The following ZBED6 variants were observed in gnomAD, a reference collection of about 807,000 sequenced individuals.
ZBED6 encodes zinc finger BED-type containing 6.
A neutral mutation model predicts 58.4 loss-of-function variants in ZBED6; 40 were observed. The ratio of observed to expected loss-of-function variants is 0.68; its 90% CI spans 0.53 to 0.89. The LOEUF is 0.89. ZBED6 is among the 40% of genes least tolerant of loss of function. The pLI is 0.00. For missense variants in ZBED6, 1,057 were observed against 1,003.9 expected (o/e 1.05, Z -0.71); for synonymous variants, 439 against 350.6 (o/e 1.25, Z -2.82).
intron 9 of ZBED6, among the ~76,000 whole-genome samples, chr1:203,836,834 G>C (rs557337109): frequency 1.3e-5 from 2 of 152,134 alleles, no homozygotes; most frequent in Non-Finnish European, 2.9e-5. Flanking sequence ...CTAACTAGTT[G>C]ATGACTTGGG....
chr1:203,825,071 C>T (rs1230783848), intron 3 of ZBED6, among the ~76,000 whole-genome samples: 8 of 90,146 alleles, frequency 8.9e-5, no homozygotes, highest in Middle Eastern at 8.1e-3. Context: ...AGCGAGACTC[C>T]GTCTCAAAAA....
intron 1 of ZBED6, among the ~76,000 whole-genome samples, chr1:203,815,947 T>G (rs1006894327): frequency 1.3e-5 from 2 of 152,218 alleles, no homozygotes; most frequent in Non-Finnish European, 2.9e-5. Flanking sequence ...GAGAAAATAT[T>G]TGTTGTTTTG....
At chr1:203,847,471 G>A (rs1688201904) in exon 12 of ZBED6, 1 of 1,613,820 alleles carries the variant, frequency 6.2e-7, no homozygotes, top group Admixed American at 1.7e-5. Context: ...TAAAAAAACA[G>A]TAGTTTTGCC....
exon 1 of ZBED6, chr1:203,798,950 A>T: frequency 6.5e-7 from 1 of 1,536,122 alleles, no homozygotes; most frequent in Non-Finnish European, 8.7e-7. Flanking sequence ...AGAATGTTCA[A>T]AGCCAAAAGA....
chr1:203,834,087 C>G (rs1683401126), intron 9 of ZBED6: 1 of 1,187,814 alleles, frequency 8.4e-7, no homozygotes, highest in Non-Finnish European at 1.0e-6. Flanking sequence ...TTGGAAGGAA[C>G]TAGATTTTAA....
intron 1 of ZBED6, among the ~76,000 whole-genome samples, chr1:203,809,682 G>A (rs1030833464): frequency 5.9e-5 from 9 of 152,178 alleles, no homozygotes; most frequent in Non-Finnish European, 1.2e-4. Context: ...AACCGGGTGC[G>A]GTGGCTCACG....
At chr1:203,813,436 A>G (rs1198698168) in intron 1 of ZBED6, among the ~76,000 whole-genome samples, 1 of 152,086 alleles carries the variant, frequency 6.6e-6, no homozygotes, top group East Asian at 1.9e-4. Flanking sequence ...GTTGTTATCC[A>G]TGTTATTTTT....
At chr1:203,833,619 T>TTTTTTTTG (rs1683208929) in intron 8 of ZBED6, among the ~76,000 whole-genome samples, 172 bp from the exon 9 acceptor site, 1 of 7,316 alleles carries the variant, frequency 1.4e-4, no homozygotes, top group African/African-American at 2.7e-4. Flanking sequence ...TAGGTTTGGG[T>TTTTTTTTG]TTTTTTTTTT....
In ZBED6 at chr1:203,805,143, A is replaced by AT. The variant is rs148879848; in HGVS notation, c.*2554+2144dup. Reference sequence around the variant, plus strand: ...AATACCCACTTCTGATACAGTAGTGATTTTTTTTTTTTTTTTTGAGACAGA... The same window carrying AT: ...AATACCCACTTCTGATACAGTAGTGATTTTTTTTTTTTTTTTTTGAGACAGA... On this transcript the variant is annotated intron_variant, in intron 1 of 16. Coordinates refer to ENST00000550078, the Ensembl canonical transcript of ZBED6. 3.9e-3 allele frequency among the ~76,000 whole-genome samples: 508 copies of AT among 131,440 alleles called. 7 individuals carry two copies. Among genetic ancestry groups the AT allele is most frequent in the African/African-American group, 0.013 (450 of 35,266 alleles). 86.2% of individuals were successfully genotyped at this position (131,440 alleles called of 152,430 possible).
chr1:203,851,237 C>G, intron 16 of ZBED6, 113 bp downstream of exon 16: 7 of 944,416 alleles, frequency 7.4e-6, no homozygotes, highest in Non-Finnish European at 9.4e-6. Context: ...ATCTGTTGCA[C>G]TTCAAATTAA....
At chr1:203,798,228 G>A (rs1266618983) in exon 1 of ZBED6, 2 of 1,536,102 alleles carry the variant, frequency 1.3e-6, no homozygotes. Context: ...TGATAAATCA[G>A]CATCTGATGC....
exon 17 of ZBED6, chr1:203,852,835 A>C (rs1349324883): frequency 1.7e-5 from 3 of 177,104 alleles, no homozygotes; most frequent in African/African-American, 7.2e-5. Context: ...ATTAAGGACC[A>C]AATTTTATGC....
chr1:203,844,792 T>A (rs1687437559), intron 11 of ZBED6, among the ~76,000 whole-genome samples: 1 of 152,120 alleles, frequency 6.6e-6, no homozygotes, highest in Non-Finnish European at 1.5e-5. Flanking sequence ...TGGAAACAAC[T>A]TCTTTCCTTT....
intron 3 of ZBED6, among the ~76,000 whole-genome samples, chr1:203,822,976 G>T (rs1468184649): frequency 6.6e-6 from 1 of 152,120 alleles, no homozygotes; most frequent in Non-Finnish European, 1.5e-5. Flanking sequence ...TGTATTTCTT[G>T]TCTCTTAACT....
chr1:203,834,930 C>T (rs1221893441), intron 9 of ZBED6, among the ~76,000 whole-genome samples: 1 of 152,246 alleles, frequency 6.6e-6, no homozygotes, highest in Non-Finnish European at 1.5e-5. Context: ...AGGCATGAGC[C>T]ACTGCTCTGG....
At chr1:203,846,671 T>C (rs993000413) in intron 11 of ZBED6, among the ~76,000 whole-genome samples, 1 of 152,208 alleles carries the variant, frequency 6.6e-6, no homozygotes, top group Non-Finnish European at 1.5e-5. Context: ...CATAAGTTAA[T>C]GAAGAATTTA....
chr1:203,836,632 C>T (rs112407081), intron 9 of ZBED6, among the ~76,000 whole-genome samples: 26,742 of 152,132 alleles, frequency 0.18, 2,514 homozygotes, highest in Middle Eastern at 0.25. Context: ...AAAAATCAGC[C>T]AGGCATGGTG....
In ZBED6 at chr1:203,796,613, T is replaced by C; in HGVS notation, c.-910T>C. 2.5e-6 allele frequency: 1 copy of C among 396,232 alleles called. No homozygotes were observed. The highest frequency in any genetic ancestry group is 4.4e-6 in the Non-Finnish European group (1 of 224,906). 24.5% of individuals were successfully genotyped at this position (396,232 alleles called of 1,614,324 possible). ...CGATGCTTTTTAGGGTAAATGTATG[T>C]AGGTATTGGGGGAAGGGGAGGGATC... On this transcript the variant is annotated 5_prime_UTR_variant, in exon 1 of 17. The change abolishes the stop of an existing upstream ORF in the 5' untranslated region. Coordinates refer to ENST00000550078, the Ensembl canonical transcript of ZBED6.
At position 203,806,627 on chromosome 1, in the gene ZBED6, A is replaced by G. The variant is rs145775541; in HGVS notation, c.*2554+3611A>G. Reference sequence around the variant, plus strand: ...CTAACACCTTTTTTTCTTAATGCATATACTAGAACATCTGGAACAGTGTTG... The same window carrying G: ...CTAACACCTTTTTTTCTTAATGCATGTACTAGAACATCTGGAACAGTGTTG... On this transcript the variant is annotated intron_variant, in intron 1 of 16. Coordinates refer to ENST00000550078, the Ensembl canonical transcript of ZBED6. Among the ~76,000 whole-genome samples the G allele has an allele frequency of 4.6e-5, 7 of 152,156 alleles. No individual in the cohort carries two copies. In the East Asian group the frequency reaches 1.4e-3, roughly 29 times the overall value.
Sources: allele counts gnomAD v4.1 joint callset (sites outside exome capture counted in the v4.1 genomes callset), GRCh38; gene constraint gnomAD v4.1.1; transcripts MANE v1.5; gene names NCBI Gene and HGNC (gene_info 2026-07-23, HGNC 2026-07-21).